UGT3A1: variants seen among roughly 807,000 people sequenced by gnomAD.
The protein encoded by UGT3A1 is UDP-glycosyltransferase 3A1.
UGT3A1 carries 40 observed loss-of-function variants against 37.6 expected under a neutral mutation model. That is an observed-to-expected ratio of 1.06 (90% CI 0.83 to 1.38). The LOEUF (loss-of-function observed/expected upper bound fraction) is 1.38. UGT3A1 is among the 40% of genes most tolerant of loss of function. The pLI, the probability that UGT3A1 is intolerant of heterozygous loss-of-function variation, is 0.00. For missense variants in UGT3A1, 642 were observed against 634.2 expected (o/e 1.01, Z -0.13); for synonymous variants, 256 against 232.3 (o/e 1.10, Z -0.93).
chr5:35,968,006 G>T lies in UGT3A1; in HGVS notation c.311+13C>A, dbSNP rs1227725027. Reference sequence around the variant, plus strand: ...ATAGTGACTCTTTGCTTCATAGAATGAAAAGAAGTTACCTGCCATCCAATG... The same window carrying T: ...ATAGTGACTCTTTGCTTCATAGAATTAAAAGAAGTTACCTGCCATCCAATG... On this transcript the variant is annotated intron_variant, in intron 3 of 6. Transcript: ENST00000274278. The T allele has an allele frequency of 1.3e-6, 2 of 1,586,486 alleles. No homozygotes were observed. Among genetic ancestry groups the T allele is most frequent in the African/African-American group, 1.3e-5 (1 of 74,310 alleles).
rs755739952 is a variant in UGT3A1, at chr5:35,991,222, G to T, written c.19C>A (p.Leu7Met). MVGQRV[L>M]LLVAFLLSGV... is the part of the protein sequence containing the mutation. ...GAAAGAAGGAAGGCCACTAGAAGCA[G>T]CACCCGCTGCCCAACCATGCTCACT... Residue 7 changes from leucine (L) to methionine (M), a missense_variant, in exon 1 of 7, where the codon CTG (leucine) becomes ATG (methionine). By Grantham distance (15) the Leu-to-Met change is conservative. Coordinates refer to ENST00000274278, the MANE Select transcript of UGT3A1 (RefSeq NM_152404.4). The T allele has an allele frequency of 9.3e-6, 15 of 1,614,126 alleles. No individual in the cohort carries two copies. The East Asian group carries it at 3.3e-4, about 36-fold the overall frequency.
chr5:35,977,243 A>T (rs1033530847), intron 2 of UGT3A1, among the ~76,000 whole-genome samples: 2 of 152,226 alleles, frequency 1.3e-5, no homozygotes, highest in Admixed American at 1.3e-4. Flanking sequence ...CCAAATGTCT[A>T]TCAACAGAAA....
At position 35,954,117 on chromosome 5, in the gene UGT3A1, G is replaced by T; in HGVS notation, c.*85C>A. 6.9e-7 allele frequency: 1 copy of T among 1,443,340 alleles called. No homozygotes were observed. The allele number at this position is 1,443,340 out of a possible 1,614,324, so 89.4% of individuals were successfully genotyped here. Reference sequence around the variant, plus strand: ...TCAGTGGCAGGTGGAGCTGAAGAGAGAACAGAGGGGTGGCGTGTGCTGGGG... The same window carrying T: ...TCAGTGGCAGGTGGAGCTGAAGAGATAACAGAGGGGTGGCGTGTGCTGGGG... On this transcript the variant is annotated 3_prime_UTR_variant, in exon 7 of 7. Coordinates refer to ENST00000274278, the MANE Select transcript of UGT3A1 (RefSeq NM_152404.4).
At position 35,988,419 on chromosome 5, in the gene UGT3A1, G is replaced by T. The variant is rs759483096; in HGVS notation, c.196+31C>A. 4.7e-6 allele frequency: 7 copies of T among 1,494,496 alleles called. No individual in the cohort carries two copies. The South Asian group carries it at 5.0e-5, about 11-fold the overall frequency. The allele number at this position is 1,494,496 out of a possible 1,614,324, so 92.6% of individuals were successfully genotyped here. A position where few individuals can be genotyped will look rare whatever the true frequency, so the allele number is the denominator to read the frequency against. On this transcript the variant is annotated intron_variant, in intron 2 of 6. Coordinates refer to ENST00000274278, the MANE Select transcript of UGT3A1 (RefSeq NM_152404.4). ...TTATCACTTTTTGCTTAGAGTAAAA[G>T]AATATAAAAATTAGTTTTTAAAAAA...
intron 1 of UGT3A1, among the ~76,000 whole-genome samples, chr5:35,999,929 A>G (rs1427395168): frequency 2.0e-5 from 3 of 152,206 alleles, no homozygotes; most frequent in Non-Finnish European, 4.4e-5. Context: ...TCTACTAGAA[A>G]AAAATTATGC....
At chr5:35,958,946 T>G (rs780159800) in intron 4 of UGT3A1, among the ~76,000 whole-genome samples, 1 of 152,182 alleles carries the variant, frequency 6.6e-6, no homozygotes, top group Non-Finnish European at 1.5e-5. Flanking sequence ...AAAGCAGTGG[T>G]AGGTACCATG....
chr5:35,977,653 C>G (rs548685432), intron 2 of UGT3A1, among the ~76,000 whole-genome samples: 130 of 152,356 alleles, frequency 8.5e-4, no homozygotes, highest in African/African-American at 3.0e-3. Context: ...GATGCTGGTG[C>G]CATGCTTGTA....
chr5:35,954,612 AT>A, intron 6 of UGT3A1, 134 bp from the exon 7 acceptor site: 2 of 1,160,976 alleles, frequency 1.7e-6, no homozygotes, highest in Non-Finnish European at 2.4e-6. Context: ...TGCAAAGAAA[AT>A]TTGTTGGCAT....
At chr5:35,955,511 C>A (rs1739316683) in intron 6 of UGT3A1, 134 bp downstream of exon 6, 1 of 997,036 alleles carries the variant, frequency 1.0e-6, no homozygotes, top group East Asian at 2.6e-5. Flanking sequence ...AACAGGTGGG[C>A]TGTTAGCATC....
chr5:35,994,594 G>T (rs1019874235), upstream of UGT3A1, among the ~76,000 whole-genome samples: 2 of 152,040 alleles, frequency 1.3e-5, no homozygotes, highest in East Asian at 3.9e-4. Flanking sequence ...CATACTTAGG[G>T]TCTAATCTCA....
At chr5:35,994,089 G>A (rs373409834), upstream of UGT3A1, among the ~76,000 whole-genome samples, 5 of 152,098 alleles carry the variant, frequency 3.3e-5, no homozygotes, top group African/African-American at 1.2e-4. Context: ...CAAGGAAGGT[G>A]AGCCTGTCTG....
At chr5:35,987,409 C>T (rs565068168) in intron 2 of UGT3A1, among the ~76,000 whole-genome samples, 12 of 152,242 alleles carry the variant, frequency 7.9e-5, no homozygotes, top group Admixed American at 7.2e-4. Context: ...CATGAATCCA[C>T]AGAATCATTT....
intron 4 of UGT3A1, among the ~76,000 whole-genome samples, chr5:35,963,518 C>A (rs1424476117): frequency 6.6e-6 from 1 of 152,134 alleles, no homozygotes. Flanking sequence ...GGAAAAGGAA[C>A]CCTCTCGATT....
intron 1 of UGT3A1, among the ~76,000 whole-genome samples, chr5:36,000,031 A>G (rs188279918): frequency 2.0e-5 from 3 of 152,298 alleles, no homozygotes; most frequent in Non-Finnish European, 4.4e-5. Flanking sequence ...TTCAGCCCAT[A>G]TGTTAACATT....
chr5:35,981,451 AG>A (rs1740519300), intron 2 of UGT3A1, among the ~76,000 whole-genome samples: 1 of 152,172 alleles, frequency 6.6e-6, no homozygotes. Flanking sequence ...AACTGAAAAA[AG>A]GTCACTCTTT....
rs1366397660 is a variant in UGT3A1 at position 35,957,311 on chromosome 5, T to G, written c.952A>C (p.Asn318His). 5.0e-6 allele frequency: 8 copies of G among 1,614,188 alleles called. No homozygotes were observed. Among genetic ancestry groups the G allele is most frequent in the Non-Finnish European group, 6.8e-6 (8 of 1,180,032 alleles). Residue 318 changes from asparagine (N) to histidine (H), a missense_variant, in exon 5 of 7, where the codon AAT becomes CAT. Coordinates refer to ENST00000274278, the MANE Select transcript of UGT3A1 (RefSeq NM_152404.4). ...QSQEVLKKMH[N>H]AFAHLPQGVI... ...CCTTGAGGGAGGTGGGCAAAGGCAT[T>G]GTGCATCTTCTTGAGGACTTCCTGG...
At position 35,952,145 on chromosome 5, in the gene UGT3A1, C is replaced by G. The variant is rs1308178114; in HGVS notation, c.*2057G>C. On this transcript the variant is annotated 3_prime_UTR_variant, in exon 7 of 7. Coordinates refer to ENST00000274278, the MANE Select transcript of UGT3A1 (RefSeq NM_152404.4). ...TGAACACAATGACACTGGATACTGA[C>G]AGATAAGCAGAAGTTTCTCATTCCA... is the stretch of plus-strand genomic sequence containing the variant. The G allele has an allele frequency of 6.6e-6, 1 of 152,226 alleles. No individual in the cohort carries two copies. Among genetic ancestry groups the G allele is most frequent in the African/African-American group, 2.4e-5 (1 of 41,456 alleles). 9.4% of individuals were successfully genotyped at this position (152,226 alleles called of 1,614,324 possible). A position where few individuals can be genotyped will look rare whatever the true frequency, so the allele number is the denominator to read the frequency against.
At position 35,968,152 on chromosome 5, in the gene UGT3A1, G is replaced by T; in HGVS notation, c.197-19C>A. On this transcript the variant is annotated intron_variant, in intron 2 of 6. Transcript: ENST00000274278. ...TTAATATCTAAGAAAACACCAATTG[G>T]TTAAAAAGGTAAATATATCATACAA... 6.8e-7 allele frequency: 1 copy of T among 1,473,194 alleles called. No homozygotes were observed. The highest frequency in any genetic ancestry group is 9.5e-7 in the Non-Finnish European group (1 of 1,057,164). 91.3% of individuals were successfully genotyped at this position (1,473,194 alleles called of 1,614,324 possible). A position where few individuals can be genotyped will look rare whatever the true frequency, so the allele number is the denominator to read the frequency against.
At chr5:35,978,121 C>T (rs149302241) in intron 2 of UGT3A1, among the ~76,000 whole-genome samples, 143 of 152,262 alleles carry the variant, frequency 9.4e-4, no homozygotes, top group African/African-American at 3.3e-3. Flanking sequence ...GCAACCTCCA[C>T]CTCCTGGGAT....
Sources: allele counts gnomAD v4.1 joint callset (sites outside exome capture counted in the v4.1 genomes callset), GRCh38; gene constraint gnomAD v4.1.1; transcripts MANE v1.5; gene names NCBI Gene and HGNC (gene_info 2026-07-23, HGNC 2026-07-21).